Variants in LRRK2 observed in about 807,000 individuals in gnomAD.
LRRK2 encodes the protein leucine rich repeat kinase 2.
LRRK2 carries 203 observed loss-of-function variants against 302.6 expected under a neutral mutation model. That is an observed-to-expected ratio of 0.67 (90% CI 0.60 to 0.75). The LOEUF is 0.75. Ranked by LOEUF, LRRK2 falls within the 30% of genes least tolerant of loss-of-function variation. The probability of loss-of-function intolerance (pLI) is 0.00; values close to 1 mark genes in which losing one functional copy is unlikely to be tolerated. For synonymous variants in LRRK2, 1,066 were observed against 1,031.9 expected (o/e 1.03, Z -0.63); for missense variants, 2,830 against 2,951.0 (o/e 0.96, Z 0.95).
intron 23 of LRRK2, among the ~76,000 whole-genome samples, chr12:40,295,974 A>T (rs986183972): frequency 2.6e-5 from 4 of 152,198 alleles, no homozygotes; most frequent in African/African-American, 9.6e-5. Context: ...AGATTAGGTA[A>T]ACTAGAATTA....
At chr12:40,235,791 G>GTTT in intron 4 of LRRK2, 77 bp downstream of exon 4, 18 of 462,908 alleles carry the variant, frequency 3.9e-5, no homozygotes, top group East Asian at 1.2e-4. Flanking sequence ...GTGTGTGTGT[G>GTTT]TGTTTTTTTT....
At chr12:40,329,543 T>G (rs1463496550) in intron 39 of LRRK2, among the ~76,000 whole-genome samples, 2 of 152,164 alleles carry the variant, frequency 1.3e-5, no homozygotes, top group African/African-American at 4.8e-5. Context: ...ATTTATATAT[T>G]TTTTTATTTG....
chr12:40,357,687 A>T (rs563736117), intron 46 of LRRK2, among the ~76,000 whole-genome samples: 20 of 152,184 alleles, frequency 1.3e-4, no homozygotes, highest in Middle Eastern at 3.4e-3. Flanking sequence ...TTTACTGATG[A>T]TTAGTTAATG....
In LRRK2 at chr12:40,299,103, G is replaced by T; in HGVS notation, c.3348-6G>T. ...ATTTAATCATTATCTTGTCTCTTGTGACTAGAAATAAAATATCAGGGATAT... is the reference window on the plus strand; with the variant it reads ...ATTTAATCATTATCTTGTCTCTTGTTACTAGAAATAAAATATCAGGGATAT... On this transcript the variant is annotated splice_region_variant and splice_polypyrimidine_tract_variant and intron_variant, in intron 24 of 50. Coordinates refer to ENST00000298910, the MANE Select transcript of LRRK2 (RefSeq NM_198578.4). 1 of 1,611,720 alleles carries T rather than the reference G, an allele frequency of 6.2e-7. No homozygotes were observed. The highest frequency in any genetic ancestry group is 1.1e-5 in the South Asian group (1 of 91,014).
At chr12:40,298,764 C>T (rs1028447160) in intron 24 of LRRK2, among the ~76,000 whole-genome samples, 1 of 63,266 alleles carries the variant, frequency 1.6e-5, no homozygotes, top group African/African-American at 6.1e-5. Flanking sequence ...AGAGGCGAGA[C>T]TCTGTCTCAA....
intron 3 of LRRK2, among the ~76,000 whole-genome samples, chr12:40,234,059 C>T (rs1320544759): frequency 6.6e-6 from 1 of 152,220 alleles, no homozygotes; most frequent in South Asian, 2.1e-4. Context: ...AGAAAAATTT[C>T]TTCCGTGGTA....
At chr12:40,355,634 C>G (rs530068790) in intron 45 of LRRK2, among the ~76,000 whole-genome samples, 2 of 151,616 alleles carry the variant, frequency 1.3e-5, no homozygotes, top group African/African-American at 4.8e-5. Flanking sequence ...CTTCCACCTC[C>G]TAAGTTCAAG....
At chr12:40,296,249 A>T (rs1346585228) in intron 23 of LRRK2, among the ~76,000 whole-genome samples, 1 of 152,216 alleles carries the variant, frequency 6.6e-6, no homozygotes, top group Middle Eastern at 3.2e-3. Context: ...TTTGCTCACC[A>T]TTTGTATGTA....
chr12:40,336,881 C>T (rs1010599386), intron 40 of LRRK2, among the ~76,000 whole-genome samples: 2 of 152,188 alleles, frequency 1.3e-5, no homozygotes, highest in African/African-American at 2.4e-5. Flanking sequence ...AATTCTTCCA[C>T]AAATCCCCAA....
chr12:40,256,703 G>C (rs984091171), intron 11 of LRRK2, among the ~76,000 whole-genome samples: 1 of 152,174 alleles, frequency 6.6e-6, no homozygotes, highest in African/African-American at 2.4e-5. Context: ...AGCAGCTGAA[G>C]GCTGAAAGCA....
chr12:40,367,304 T>A (rs1592356705), intron 50 of LRRK2: 1 of 488,850 alleles, frequency 2.0e-6, no homozygotes, highest in Non-Finnish European at 3.6e-6. Context: ...AATCACTAGC[T>A]CAACCTTAAA....
intron 20 of LRRK2, 56 bp from the exon 21 acceptor site, chr12:40,293,489 T>C: frequency 1.8e-6 from 2 of 1,108,504 alleles, no homozygotes; most frequent in South Asian, 2.6e-5. Context: ...AAGGATCTTA[T>C]GATTGAGTAA....
intron 41 of LRRK2, among the ~76,000 whole-genome samples, chr12:40,345,781 C>T (rs553636938): frequency 6.6e-6 from 1 of 152,156 alleles, no homozygotes; most frequent in South Asian, 2.1e-4. Context: ...AAGTTGTAGA[C>T]ATCATGCCAT....
Position 40,367,860 on chromosome 12 carries a change from T to G in LRRK2, c.*95T>G. On this transcript the variant is annotated 3_prime_UTR_variant, in exon 51 of 51. Coordinates refer to ENST00000298910, the MANE Select transcript of LRRK2 (RefSeq NM_198578.4). ...GTTCACATGGAAAGGGTACTCACAT[T>G]TTTTGAAATAGCTCGTGTGTATGAA... is the stretch of plus-strand genomic sequence containing the variant. 3 of 1,236,310 alleles carry G rather than the reference T, an allele frequency of 2.4e-6. No homozygotes were observed. Among genetic ancestry groups the G allele is most frequent in the East Asian group, 5.3e-5 (2 of 38,064 alleles). 76.6% of individuals were successfully genotyped at this position (1,236,310 alleles called of 1,614,324 possible). A position where few individuals can be genotyped will look rare whatever the true frequency, so the allele number is the denominator to read the frequency against.
chr12:40,334,692 T>G (rs1399654270), intron 39 of LRRK2, among the ~76,000 whole-genome samples: 3 of 152,214 alleles, frequency 2.0e-5, no homozygotes. Context: ...AGGTTGGTCT[T>G]GCTGTCTCAA....
chr12:40,336,021 C>T (rs1420346814), intron 40 of LRRK2, among the ~76,000 whole-genome samples: 1 of 152,158 alleles, frequency 6.6e-6, no homozygotes, highest in Non-Finnish European at 1.5e-5. Context: ...CCTACTGGTC[C>T]CCTGCTTCTA....
intron 39 of LRRK2, 86 bp from the exon 40 acceptor site, chr12:40,334,881 T>C: frequency 2.8e-6 from 4 of 1,415,672 alleles, no homozygotes; most frequent in Non-Finnish European, 4.0e-6. Context: ...AAATCCATGT[T>C]CAGCCTGTTG....
At position 40,320,025 on chromosome 12, in the gene LRRK2, C is replaced by T. The variant is rs751492506; in HGVS notation, c.4865C>T (p.Pro1622Leu). The T allele has an allele frequency of 1.2e-6, 2 of 1,611,578 alleles. No homozygotes were observed. Among genetic ancestry groups the T allele is most frequent in the South Asian group, 2.2e-5 (2 of 90,688 alleles). ...TVKVEGCPKH[P>L]KGIISRRDVE... Reference sequence around the variant, plus strand: ...AAAGTGGAAGGTTGTCCAAAACACCCTAAGGGCATTATTTCGCGTAGAGAT... The same window carrying T: ...AAAGTGGAAGGTTGTCCAAAACACCTTAAGGGCATTATTTCGCGTAGAGAT... Residue 1622 changes from proline to leucine, a missense_variant, in exon 34 of 51, where the codon CCT becomes CTT. This residue lies in a region of LRRK2 where 2,121 missense variants were observed against 2,148.0 expected (regional missense o/e 0.99). Transcript: ENST00000298910.
Position 40,340,432 on chromosome 12 carries a change from A to G in LRRK2, c.6087A>G (p.Ile2029Met), listed in dbSNP as rs761177119. 3 of 1,613,866 alleles carry G rather than the reference A, an allele frequency of 1.9e-6. No homozygotes were observed. The highest frequency in any genetic ancestry group is 4.5e-5 in the East Asian group (2 of 44,872). The stretch of plus-strand genomic sequence containing the variant: ...CTCAGTACTGCTGTAGAATGGGGAT[A>G]AAAACATCAGAGGGCACACCAGGTA... ...GIAQYCCRMG[I>M]KTSEGTPGFR... Residue 2029 changes from isoleucine (I) to methionine (M), a missense_variant, in exon 41 of 51, where the codon ATA becomes ATG. Physicochemically the swap from Ile to Met is conservative, Grantham distance 10. Around this residue, in one of 3 missense-constraint regions of LRRK2, gnomAD observed 253 missense variants for 346.7 expected, o/e 0.73. Transcript: ENST00000298910.
Sources: allele counts gnomAD v4.1 joint callset (sites outside exome capture counted in the v4.1 genomes callset), GRCh38; gene constraint gnomAD v4.1.1; regional missense constraint gnomAD v4.1.1; transcripts MANE v1.5; gene names NCBI Gene and HGNC (gene_info 2026-07-23, HGNC 2026-07-21).